Variants in DCDC2C observed in about 807,000 individuals in gnomAD.
DCDC2C encodes the protein doublecortin domain containing 2C.
Under a neutral mutation model 45.0 loss-of-function variants are expected in DCDC2C, and 44 were observed. The ratio of observed to expected loss-of-function variants is 0.98; its 90% CI spans 0.77 to 1.26. The LOEUF (loss-of-function observed/expected upper bound fraction) is 1.26, where lower values mean the gene tolerates loss of function less well. Ranked by LOEUF, DCDC2C falls within the 50% of genes most tolerant of loss-of-function variation. DCDC2C has a pLI of 0.00. For synonymous variants in DCDC2C, 187 were observed against 178.8 expected, an observed-to-expected ratio of 1.05 and a Z score of -0.37; for missense variants, 447 against 468.9, an observed-to-expected ratio of 0.95 and a Z score of 0.43.
chr2:3,762,510 C>T (rs1046843055), intron 6 of DCDC2C, among the ~76,000 whole-genome samples: 1 of 152,088 alleles, frequency 6.6e-6, no homozygotes, highest in African/African-American at 2.4e-5. Flanking sequence ...TCTGGGGAGG[C>T]CTCAGGGAGC....
In DCDC2C at chr2:3,754,626, AAG is replaced by A. The variant is rs1489169528; in HGVS notation, c.720_721del (p.Lys242SerfsTer10). 1 of 1,549,314 alleles carries A rather than the reference AAG, an allele frequency of 6.5e-7. No homozygotes were observed. Among genetic ancestry groups the A allele is most frequent in the Admixed American group, 2.0e-5 (1 of 50,746 alleles). On this transcript the variant is annotated frameshift_variant, in exon 6 of 11. Transcript: ENST00000399143. LOFTEE classifies it high-confidence loss of function. ...YANVEKNSQRKKKVDSKGKEP... is the reference protein window; with the variant it reads ...YANVEKNSQRXKKVDSKGKEP... ...GAATGTTGAAAAAAACTCACAGAGAAAGAAAAAAGTAAGTAACTTTTTAAAAC... is the reference window on the plus strand; with the variant it reads ...GAATGTTGAAAAAAACTCACAGAGAAAAAAAAGTAAGTAACTTTTTAAAAC...
At chr2:3,781,677 T>C (rs867625852) in intron 9 of DCDC2C, among the ~76,000 whole-genome samples, 7 of 152,052 alleles carry the variant, frequency 4.6e-5, no homozygotes, top group Admixed American at 1.3e-4. Context: ...CTGAGAAACA[T>C]AGTGAGACCC....
intron 3 of DCDC2C, among the ~76,000 whole-genome samples, chr2:3,741,295 A>C (rs1012679624): frequency 1.3e-5 from 2 of 152,196 alleles, no homozygotes; most frequent in African/African-American, 4.8e-5. Flanking sequence ...AAACAGCTAC[A>C]TTATTTAAGG....
chr2:3,773,310 A>G (rs1030844803), intron 8 of DCDC2C, among the ~76,000 whole-genome samples: 6 of 151,992 alleles, frequency 3.9e-5, no homozygotes, highest in African/African-American at 1.5e-4. Flanking sequence ...AAGAAATTAT[A>G]ATTTATTTTC....
Position 3,825,885 on chromosome 2 carries a change from T to C in DCDC2C, c.1066-21269T>C, listed in dbSNP as rs544643632. Among the ~76,000 whole-genome samples the C allele has an allele frequency of 2.0e-5, 3 of 152,330 alleles. No homozygotes were observed. In the South Asian group the frequency reaches 6.2e-4, roughly 32 times the overall value. On this transcript the variant is annotated intron_variant, in intron 10 of 10. Transcript: ENST00000399143. ...ACATCTTCAGTGGACTAACCTTTGC[T>C]ATAAATCTCATGCCTCAGGATCCAG...
intron 10 of DCDC2C, among the ~76,000 whole-genome samples, chr2:3,832,299 A>C (rs1671972332): frequency 6.6e-6 from 1 of 152,238 alleles, no homozygotes; most frequent in Non-Finnish European, 1.5e-5. Flanking sequence ...TGTTTTTGTC[A>C]GTGTGAATAA....
At chr2:3,834,089 C>T (rs1558247989) in intron 10 of DCDC2C, among the ~76,000 whole-genome samples, 1 of 145,706 alleles carries the variant, frequency 6.9e-6, no homozygotes, top group Non-Finnish European at 1.5e-5. Context: ...TACTCCCCCT[C>T]CTGCCCCCCC....
chr2:3,807,848 C>T (rs1176748010), intron 10 of DCDC2C, among the ~76,000 whole-genome samples: 1 of 152,168 alleles, frequency 6.6e-6, no homozygotes, highest in Non-Finnish European at 1.5e-5. Context: ...CTCTGTCACT[C>T]ACTGTGGTTC....
intron 3 of DCDC2C, among the ~76,000 whole-genome samples, chr2:3,731,551 C>G (rs972490242): frequency 3.3e-5 from 5 of 152,344 alleles, no homozygotes; most frequent in Admixed American, 1.3e-4. Flanking sequence ...CATTAACCAT[C>G]ATCTTCTCAC....
chr2:3,721,785 G>T (rs1412559274), intron 2 of DCDC2C, among the ~76,000 whole-genome samples: 1 of 152,188 alleles, frequency 6.6e-6, no homozygotes, highest in African/African-American at 2.4e-5. Flanking sequence ...ATGAGTTCAT[G>T]AGATCTGATG....
At chr2:3,846,144 C>T (rs745729361) in intron 10 of DCDC2C, among the ~76,000 whole-genome samples, 15 of 151,606 alleles carry the variant, frequency 9.9e-5, no homozygotes, top group Admixed American at 5.9e-4. Flanking sequence ...TCCTCTTCTT[C>T]CTCCTCCTCC....
intron 10 of DCDC2C, among the ~76,000 whole-genome samples, chr2:3,813,055 A>T (rs1558238627): frequency 1.0e-5 from 1 of 97,724 alleles, no homozygotes. Context: ...ATATATATAT[A>T]TATATATATA....
chr2:3,758,593 C>T (rs1247171102), intron 6 of DCDC2C, among the ~76,000 whole-genome samples: 1 of 152,188 alleles, frequency 6.6e-6, no homozygotes, highest in Non-Finnish European at 1.5e-5. Context: ...GGGAGGTCGA[C>T]ACACAAAGTT....
At chr2:3,777,090 A>AC (rs1344382565) in intron 8 of DCDC2C, among the ~76,000 whole-genome samples, 5 of 151,860 alleles carry the variant, frequency 3.3e-5, no homozygotes, top group African/African-American at 1.2e-4. Flanking sequence ...TCATGCACTG[A>AC]CCCCCAGCAA....
chr2:3,813,837 C>T (rs964098828), intron 10 of DCDC2C, among the ~76,000 whole-genome samples: 1 of 150,758 alleles, frequency 6.6e-6, no homozygotes, highest in Non-Finnish European at 1.5e-5. Flanking sequence ...TCCTTAATAC[C>T]ACATGCTGAT....
intron 6 of DCDC2C, among the ~76,000 whole-genome samples, chr2:3,755,924 G>A (rs2148132020): frequency 6.6e-6 from 1 of 152,258 alleles, no homozygotes; most frequent in East Asian, 1.9e-4. Context: ...ACATGCATAT[G>A]TGTGTATGGA....
chr2:3,721,632 C>A (rs867176367), intron 2 of DCDC2C, among the ~76,000 whole-genome samples: 8 of 152,156 alleles, frequency 5.3e-5, no homozygotes, highest in African/African-American at 1.9e-4. Context: ...TATCTTGTAA[C>A]TTCTACGGTT....
At chr2:3,774,273 A>G (rs1464991781) in intron 8 of DCDC2C, among the ~76,000 whole-genome samples, 1 of 152,248 alleles carries the variant, frequency 6.6e-6, no homozygotes, top group Non-Finnish European at 1.5e-5. Context: ...ATTAGCTACT[A>G]TATCTGTAAG....
intron 9 of DCDC2C, among the ~76,000 whole-genome samples, chr2:3,783,003 G>A (rs565914617): frequency 1.0e-3 from 153 of 152,286 alleles, no homozygotes; most frequent in Middle Eastern, 3.4e-3. Flanking sequence ...AGGATGACAC[G>A]AGCTTCCTAT....
Sources: allele counts gnomAD v4.1 joint callset (sites outside exome capture counted in the v4.1 genomes callset), GRCh38; gene constraint gnomAD v4.1.1; transcripts MANE v1.5; gene names NCBI Gene and HGNC (gene_info 2026-07-23, HGNC 2026-07-21).